The following ADAMTSL3 variants were observed in gnomAD, a reference collection of about 807,000 sequenced individuals.
The protein encoded by ADAMTSL3 is ADAMTS like 3.
Under a neutral mutation model 201.7 loss-of-function variants are expected in ADAMTSL3, and 128 were observed. That is an observed-to-expected ratio of 0.63 (90% CI 0.55 to 0.73). ADAMTSL3 has a LOEUF of 0.73. ADAMTSL3 is among the 30% of genes least tolerant of loss of function. The pLI is 0.00. For missense variants in ADAMTSL3, 1,990 were observed against 2,119.6 expected, an observed-to-expected ratio of 0.94 and a Z score of 1.20; for synonymous variants, 738 against 748.4, an observed-to-expected ratio of 0.99 and a Z score of 0.23.
At chr15:83,909,002 T>G (rs111886280) in intron 15 of ADAMTSL3, among the ~76,000 whole-genome samples, 9 of 152,216 alleles carry the variant, frequency 5.9e-5, no homozygotes, top group African/African-American at 2.2e-4. Context: ...GCTGAGAGAT[T>G]GTTTTCAATT....
At chr15:83,700,489 C>T (rs928795755) in intron 2 of ADAMTSL3, among the ~76,000 whole-genome samples, 9 of 152,138 alleles carry the variant, frequency 5.9e-5, no homozygotes, top group South Asian at 2.1e-4. Context: ...TCTGGCTGGG[C>T]GCGGTGGCTC....
chr15:83,660,895 T>C (rs1399743186), intron 2 of ADAMTSL3, among the ~76,000 whole-genome samples: 1 of 150,240 alleles, frequency 6.7e-6, no homozygotes, highest in Non-Finnish European at 1.5e-5. Context: ...GGTTTTCTTC[T>C]AGGGTTTTTA....
rs577517826 is a variant in ADAMTSL3, at chr15:84,025,598, A to C, written c.4656+162A>C. The stretch of plus-strand genomic sequence containing the variant: ...CTTTGACCTCAAGGTTTACATTTAG[A>C]AATCATAGTATCTCTGTCTTCCAGT... On this transcript the variant is annotated intron_variant, in intron 27 of 29. Coordinates refer to ENST00000286744, the MANE Select transcript of ADAMTSL3 (RefSeq NM_207517.3). 8.9e-5 allele frequency: 61 copies of C among 686,668 alleles called. 1 individual carries two copies. The South Asian group carries it at 1.2e-3, about 13-fold the overall frequency. 42.5% of individuals were successfully genotyped at this position (686,668 alleles called of 1,614,324 possible).
intron 2 of ADAMTSL3, among the ~76,000 whole-genome samples, chr15:83,675,952 A>G (rs1324531959): frequency 6.6e-6 from 1 of 151,802 alleles, no homozygotes; most frequent in African/African-American, 2.4e-5. Context: ...TTCATTCCTG[A>G]TATTTGAAGT....
At chr15:83,722,494 G>A (rs1815883285) in intron 3 of ADAMTSL3, among the ~76,000 whole-genome samples, 1 of 152,186 alleles carries the variant, frequency 6.6e-6, no homozygotes, top group African/African-American at 2.4e-5. Flanking sequence ...TTTAGGAAAT[G>A]TAGAAACAGA....
At chr15:83,897,269 T>G (rs1235694156) in intron 13 of ADAMTSL3, among the ~76,000 whole-genome samples, 1 of 151,680 alleles carries the variant, frequency 6.6e-6, no homozygotes, top group East Asian at 1.9e-4. Flanking sequence ...AGAAAAATAA[T>G]AGCATAATGT....
intron 6 of ADAMTSL3, among the ~76,000 whole-genome samples, chr15:83,822,592 C>G (rs1175661715): frequency 7.6e-6 from 1 of 131,860 alleles, no homozygotes; most frequent in Admixed American, 7.5e-5. Context: ...ACATCTCAGA[C>G]GATGGGCGGC....
At position 83,801,651 on chromosome 15, in the gene ADAMTSL3, A is replaced by AATATATATATATATATATATATAT. The variant is rs68098545; in HGVS notation, c.318-2978_318-2955dup. Among the ~76,000 whole-genome samples the AATATATATATATATATATATATAT allele has an allele frequency of 3.8e-4, 12 of 31,260 alleles. 1 individual carries two copies. Among genetic ancestry groups the AATATATATATATATATATATATAT allele is most frequent in the Admixed American group, 1.4e-3 (3 of 2,100 alleles). The allele number at this position is 31,260 out of a possible 152,430, so 20.5% of individuals were successfully genotyped here. On this transcript the variant is annotated intron_variant, in intron 4 of 29. Transcript: ENST00000286744. The stretch of plus-strand genomic sequence containing the variant: ...TTATATATATAAATATATAAATATA[A>AATATATATATATATATATATATAT]ATATATATATATATATATATATATA...
chr15:83,703,750 G>A (rs779435184), intron 2 of ADAMTSL3, among the ~76,000 whole-genome samples: 3 of 152,070 alleles, frequency 2.0e-5, no homozygotes, highest in Non-Finnish European at 4.4e-5. Flanking sequence ...ACGGACTGGG[G>A]TATGAGCTTT....
intron 3 of ADAMTSL3, among the ~76,000 whole-genome samples, chr15:83,756,674 C>G (rs2062726063): frequency 6.7e-6 from 1 of 150,244 alleles, no homozygotes; most frequent in Non-Finnish European, 1.5e-5. Context: ...AGTCTTAACT[C>G]ATTTCAGCAT....
intron 19 of ADAMTSL3, among the ~76,000 whole-genome samples, chr15:83,960,699 G>C (rs1296713468): frequency 6.6e-6 from 1 of 152,142 alleles, no homozygotes; most frequent in Non-Finnish European, 1.5e-5. Context: ...TCTTTTATTT[G>C]TCTCATCAAC....
intron 2 of ADAMTSL3, 110 bp downstream of exon 2, chr15:83,655,940 A>G: frequency 8.8e-7 from 1 of 1,135,526 alleles, no homozygotes; most frequent in Non-Finnish European, 1.3e-6. Context: ...ATCCTACACC[A>G]GAGAACCAGA....
intron 9 of ADAMTSL3, among the ~76,000 whole-genome samples, chr15:83,884,033 C>T (rs866059042): frequency 1.1e-4 from 17 of 152,196 alleles, no homozygotes; most frequent in African/African-American, 2.6e-4. Context: ...GCTGGGACTA[C>T]AGGCACATGC....
Position 84,025,353 on chromosome 15 carries a change from A to G in ADAMTSL3, c.4573A>G (p.Arg1525Gly), listed in dbSNP as rs2068285066. The part of the protein sequence containing the change: ...ANGTVQVVSP[R>G]ACAPKDRPLG... Reference sequence around the variant, plus strand: ...TGGAACTGTGCAGGTGGTGTCTCCAAGAGCATGTGCCCCTAAAGACCGGCC... The same window carrying G: ...TGGAACTGTGCAGGTGGTGTCTCCAGGAGCATGTGCCCCTAAAGACCGGCC... Residue 1525 changes from arginine (R) to glycine (G), a missense_variant, in exon 27 of 30, where the codon AGA (arginine) becomes GGA (glycine). Physicochemically the swap from Arg to Gly is moderately radical, Grantham distance 125. Transcript: ENST00000286744. The G allele has an allele frequency of 6.2e-7, 1 of 1,614,202 alleles. No individual in the cohort carries two copies. Among genetic ancestry groups the G allele is most frequent in the East Asian group, 2.2e-5 (1 of 44,882 alleles).
chr15:83,837,126 C>A (rs1011802312), intron 6 of ADAMTSL3, among the ~76,000 whole-genome samples: 1 of 151,754 alleles, frequency 6.6e-6, no homozygotes, highest in Non-Finnish European at 1.5e-5. Flanking sequence ...AGTATAAACA[C>A]GTATTTTATA....
rs750862913 is a variant in ADAMTSL3, at chr15:83,870,872, A to G, written c.873A>G (p.Val291=). 2 of 1,613,292 alleles carry G rather than the reference A, an allele frequency of 1.2e-6. No homozygotes were observed. Among genetic ancestry groups the G allele is most frequent in the East Asian group, 2.2e-5 (1 of 44,864 alleles). The change falls in exon 9 of 30, where the codon GTA becomes GTG. Residue 291 remains valine, a synonymous_variant. Coordinates refer to ENST00000286744, the MANE Select transcript of ADAMTSL3 (RefSeq NM_207517.3). Reference sequence around the variant, plus strand: ...TTAACAGCCCCGGCGTCTTTCTCGTAGAAAACACAACAGTGGAATTTCAGA... The same window carrying G: ...TTAACAGCCCCGGCGTCTTTCTCGTGGAAAACACAACAGTGGAATTTCAGA... The part of the protein sequence containing the change: ...HSFNSPGVFL[V]ENTTVEFQRG...
intron 26 of ADAMTSL3, among the ~76,000 whole-genome samples, chr15:84,022,864 G>A (rs1019265655): frequency 1.3e-5 from 2 of 152,074 alleles, no homozygotes; most frequent in African/African-American, 4.8e-5. Context: ...TGACTCAGAG[G>A]CTTTGTGCAT....
In ADAMTSL3 at chr15:83,984,599, A is replaced by G. The variant is rs188379113; in HGVS notation, c.3716+1255A>G. Among the ~76,000 whole-genome samples the G allele has an allele frequency of 8.4e-4, 128 of 152,308 alleles. 2 individuals carry two copies. Among genetic ancestry groups the G allele is most frequent in the East Asian group, 1.9e-4 (1 of 5,192 alleles). Reference sequence around the variant, plus strand: ...GCTTTTGTAAATGTGAGTTGTATCTATTGCTGTTTACCTCACTAGAAATTA... The same window carrying G: ...GCTTTTGTAAATGTGAGTTGTATCTGTTGCTGTTTACCTCACTAGAAATTA... On this transcript the variant is annotated intron_variant, in intron 21 of 29. Coordinates refer to ENST00000286744, the MANE Select transcript of ADAMTSL3 (RefSeq NM_207517.3).
chr15:83,904,027 A>G (rs2065787969), intron 15 of ADAMTSL3, among the ~76,000 whole-genome samples: 1 of 151,406 alleles, frequency 6.6e-6, no homozygotes, highest in African/African-American at 2.4e-5. Flanking sequence ...CTTTTCTGTC[A>G]GCCCCACCTG....
Sources: allele counts gnomAD v4.1 joint callset (sites outside exome capture counted in the v4.1 genomes callset), GRCh38; gene constraint gnomAD v4.1.1; transcripts MANE v1.5; gene names NCBI Gene and HGNC (gene_info 2026-07-23, HGNC 2026-07-21).